Variants in SLC4A7 observed in about 807,000 individuals in gnomAD.
The protein encoded by SLC4A7 is solute carrier family 4 member 7.
In SLC4A7, 51 loss-of-function variants were observed where a neutral mutation model predicts 137.6. The ratio of observed to expected loss-of-function variants is 0.37; its 90% confidence interval spans 0.30 to 0.47. The LOEUF (loss-of-function observed/expected upper bound fraction) is 0.47. Ranked by LOEUF, SLC4A7 falls within the 20% of genes least tolerant of loss-of-function variation. SLC4A7 has a pLI of 1.00. For synonymous variants in SLC4A7, 542 were observed against 518.6 expected, an observed-to-expected ratio of 1.05 and a Z score of -0.61; for missense variants, 1,247 against 1,525.4, an observed-to-expected ratio of 0.82 and a Z score of 3.04.
chr3:27,482,768 T>C (rs1183529596), intron 1 of SLC4A7, among the ~76,000 whole-genome samples: 2 of 147,382 alleles, frequency 1.4e-5, no homozygotes, highest in African/African-American at 4.9e-5. Flanking sequence ...CGAGACTCTG[T>C]CTCAAAATAA....
At chr3:27,481,290 C>G (rs1274513201) in intron 1 of SLC4A7, among the ~76,000 whole-genome samples, 1 of 152,008 alleles carries the variant, frequency 6.6e-6, no homozygotes, top group Non-Finnish European at 1.5e-5. Context: ...ATCCCAACAC[C>G]CTGATCAGTG....
At chr3:27,467,437 C>G (rs2059056152) in intron 1 of SLC4A7, among the ~76,000 whole-genome samples, 1 of 152,156 alleles carries the variant, frequency 6.6e-6, no homozygotes, top group South Asian at 2.1e-4. Flanking sequence ...TCAGTAACAG[C>G]TAATTAAATT....
chr3:27,383,337 A>T (rs2050619002), intron 23 of SLC4A7, 87 bp from the exon 24 acceptor site: 1 of 913,952 alleles, frequency 1.1e-6, no homozygotes, highest in Admixed American at 2.4e-5. Context: ...CAGACTTAGA[A>T]ACCCAAACTG....
chr3:27,479,559 G>T (rs2059625248), intron 1 of SLC4A7, among the ~76,000 whole-genome samples: 2 of 152,178 alleles, frequency 1.3e-5, no homozygotes. Flanking sequence ...AAGGAAGATT[G>T]TCAACAGCAA....
chr3:27,393,011 A>C (rs771231234), intron 20 of SLC4A7, among the ~76,000 whole-genome samples: 1 of 152,164 alleles, frequency 6.6e-6, no homozygotes, highest in Non-Finnish European at 1.5e-5. Context: ...AGGAGGGATA[A>C]GAATATTAGA....
chr3:27,446,922 C>G (rs1474097115), intron 3 of SLC4A7, among the ~76,000 whole-genome samples: 1 of 136,702 alleles, frequency 7.3e-6, no homozygotes, highest in Non-Finnish European at 1.5e-5. Flanking sequence ...CTCGCTCTGT[C>G]ACCCAGGCTA....
intron 21 of SLC4A7, among the ~76,000 whole-genome samples, chr3:27,390,777 G>A (rs2051459176): frequency 6.6e-6 from 1 of 152,116 alleles, no homozygotes; most frequent in South Asian, 2.1e-4. Flanking sequence ...GAGAAGAGGT[G>A]GTCATGTAGC....
chr3:27,389,697 C>G (rs2051335210), intron 22 of SLC4A7, among the ~76,000 whole-genome samples: 1 of 151,950 alleles, frequency 6.6e-6, no homozygotes, highest in South Asian at 2.1e-4. Flanking sequence ...AAATACAAAA[C>G]CAAGTCCTAT....
chr3:27,478,632 T>G (rs2059573930), intron 1 of SLC4A7, among the ~76,000 whole-genome samples: 1 of 151,800 alleles, frequency 6.6e-6, no homozygotes, highest in Non-Finnish European at 1.5e-5. Flanking sequence ...CTAAAATGGC[T>G]TAAGAAAAAT....
At chr3:27,481,457 T>C (rs963073541) in intron 1 of SLC4A7, among the ~76,000 whole-genome samples, 3 of 152,230 alleles carry the variant, frequency 2.0e-5, no homozygotes, top group Non-Finnish European at 4.4e-5. Flanking sequence ...ATTAATTTGT[T>C]CTACTTTTTT....
chr3:27,455,830 C>T (rs2058372997), intron 1 of SLC4A7, among the ~76,000 whole-genome samples: 1 of 151,800 alleles, frequency 6.6e-6, no homozygotes, highest in Non-Finnish European at 1.5e-5. Context: ...GCACTCTAGC[C>T]TGGGCAACAG....
chr3:27,417,149 G>C (rs2054472355), intron 11 of SLC4A7, among the ~76,000 whole-genome samples: 1 of 152,088 alleles, frequency 6.6e-6, no homozygotes, highest in Non-Finnish European at 1.5e-5. Context: ...CAGACCAATG[G>C]ACAACAAAAC....
At chr3:27,445,314 T>C (rs2057503521) in intron 3 of SLC4A7, among the ~76,000 whole-genome samples, 1 of 152,098 alleles carries the variant, frequency 6.6e-6, no homozygotes, top group Non-Finnish European at 1.5e-5. Flanking sequence ...TCTAGCCTCT[T>C]TGACCTCCCC....
chr3:27,475,017 G>A (rs757799518), intron 1 of SLC4A7, among the ~76,000 whole-genome samples: 1 of 152,132 alleles, frequency 6.6e-6, no homozygotes, highest in African/African-American at 2.4e-5. Flanking sequence ...GGCCAAGGCA[G>A]GACAATCGCT....
chr3:27,445,242 T>A (rs1389010810), intron 3 of SLC4A7, among the ~76,000 whole-genome samples: 1 of 152,138 alleles, frequency 6.6e-6, no homozygotes, highest in Non-Finnish European at 1.5e-5. Flanking sequence ...TTCAAAAGGA[T>A]CCTTTTTCAG....
intron 1 of SLC4A7, among the ~76,000 whole-genome samples, chr3:27,479,460 ACAGT>A (rs2059620504): frequency 6.6e-6 from 1 of 152,076 alleles, no homozygotes; most frequent in African/African-American, 2.4e-5. Flanking sequence ...TCTTATTTTA[ACAGT>A]CATTTGAAAA....
chr3:27,425,447 C>T (rs1462816094), intron 7 of SLC4A7, among the ~76,000 whole-genome samples: 1 of 146,486 alleles, frequency 6.8e-6, no homozygotes, highest in Non-Finnish European at 1.5e-5. Context: ...AAGGTCAAGG[C>T]GGACGGATCA....
intron 15 of SLC4A7, among the ~76,000 whole-genome samples, chr3:27,402,563 G>A (rs553057296): frequency 2.6e-5 from 4 of 152,096 alleles, no homozygotes; most frequent in Admixed American, 6.6e-5. Context: ...AGCTAGGCAC[G>A]GTGATACGTG....
chr3:27,379,114 CA>C, intron 25 of SLC4A7, 134 bp downstream of exon 25: 2 of 572,606 alleles, frequency 3.5e-6, no homozygotes, highest in Non-Finnish European at 6.1e-6. Flanking sequence ...AATTAAAAGA[CA>C]AAAACATAAT....
Sources: gnomAD v4.1 joint callset for allele counts (sites outside exome capture counted in the v4.1 genomes callset) on GRCh38, gnomAD v4.1.1 for gene constraint, MANE v1.5 for transcripts, NCBI Gene and HGNC (gene_info 2026-07-23, HGNC 2026-07-21) for gene names.